SIGLECL1: variants seen among roughly 807,000 people sequenced by gnomAD.
SIGLECL1 encodes SIGLEC family like 1, also known as SIGLEC family-like protein 1.
A neutral mutation model predicts 19.1 loss-of-function variants in SIGLECL1; 16 were observed. The ratio of observed to expected loss-of-function variants is 0.84; its 90% CI spans 0.57 to 1.27. The LOEUF (loss-of-function observed/expected upper bound fraction) is 1.27, where lower values mean the gene tolerates loss of function less well. Ranked by LOEUF, SIGLECL1 falls within the 50% of genes most tolerant of loss-of-function variation. SIGLECL1 has a pLI of 0.00. For missense variants in SIGLECL1, 210 were observed against 239.4 expected (o/e 0.88, Z 0.81); for synonymous variants, 89 against 90.4 (o/e 0.98, Z 0.09).
intron 1 of SIGLECL1, among the ~76,000 whole-genome samples, chr19:51,256,445 C>G (rs2123397290): frequency 6.6e-6 from 1 of 152,308 alleles, no homozygotes; most frequent in African/African-American, 2.4e-5. Context: ...CATGATCTCA[C>G]TTATATGTAG....
upstream of SIGLECL1, among the ~76,000 whole-genome samples, chr19:51,249,521 A>G (rs890208364): frequency 6.6e-6 from 1 of 152,160 alleles, no homozygotes; most frequent in Non-Finnish European, 1.5e-5. Flanking sequence ...AATTATTCCA[A>G]TAAAGGGAGA....
chr19:51,247,148 G>T (rs772192454), upstream of SIGLECL1, among the ~76,000 whole-genome samples: 1 of 152,158 alleles, frequency 6.6e-6, no homozygotes, highest in East Asian at 1.9e-4. Flanking sequence ...TAAGCAGCCT[G>T]ACCCTTGGTT....
At chr19:51,253,378 A>G (rs571286129) in intron 1 of SIGLECL1, among the ~76,000 whole-genome samples, 1 of 137,852 alleles carries the variant, frequency 7.3e-6, no homozygotes, top group African/African-American at 3.3e-5. Context: ...TGAATTTAAA[A>G]TTTAAAAAAA....
Position 51,265,806 on chromosome 19 carries a change from G to C in SIGLECL1, c.334G>C (p.Val112Leu). The change falls in exon 4 of 6, where the codon GTG becomes CTG. Residue 112 changes from valine to leucine, a missense_variant. Physicochemically the swap from Val to Leu is conservative, Grantham distance 32 (BLOSUM62 1). Transcript: ENST00000601727. ...RKSSLAAQAFVKGLIQGAIYA... is the reference protein window; with the variant it reads ...RKSSLAAQAFLKGLIQGAIYA... ...GAGTTCTTTGGCTGCCCAGGCCTTCGTGAAAGGGCTGATCCAGGGTGCTAT... is the reference window on the plus strand; with the variant it reads ...GAGTTCTTTGGCTGCCCAGGCCTTCCTGAAAGGGCTGATCCAGGGTGCTAT... 6.2e-7 allele frequency: 1 copy of C among 1,614,174 alleles called. No individual in the cohort carries two copies. The highest frequency in any genetic ancestry group is 8.5e-7 in the Non-Finnish European group (1 of 1,180,024).
At chr19:51,246,788 T>C (rs145323276), upstream of SIGLECL1, among the ~76,000 whole-genome samples, 5,603 of 152,198 alleles carry the variant, frequency 0.037, 137 homozygotes, top group Non-Finnish European at 0.058. Flanking sequence ...AACAAGTTTA[T>C]TGGGGGTCTG....
In SIGLECL1 at chr19:51,265,660, AG is replaced by A. The variant is rs765488467; in HGVS notation, c.304+16del. 2.5e-6 allele frequency: 4 copies of A among 1,611,778 alleles called. No homozygotes were observed. The South Asian group carries it at 3.3e-5, about 13-fold the overall frequency. On this transcript the variant is annotated intron_variant, in intron 3 of 5. Coordinates refer to ENST00000601727, the MANE Select transcript of SIGLECL1 (RefSeq NM_001385465.1). ...TCCTACTGATGTCAAGTGAGGGTGG[AG>A]GGGGCTCGGTGACTGGGTGAGGACA...
intron 4 of SIGLECL1, among the ~76,000 whole-genome samples, chr19:51,266,574 G>A (rs974171605): frequency 6.6e-6 from 1 of 151,966 alleles, no homozygotes; most frequent in African/African-American, 2.4e-5. Context: ...TTCAGATAAG[G>A]GATATCTAAC....
intron 4 of SIGLECL1, among the ~76,000 whole-genome samples, chr19:51,266,514 T>TAAAAAAA (rs34989367): frequency 7.3e-6 from 1 of 137,238 alleles, no homozygotes; most frequent in Non-Finnish European, 1.6e-5. Flanking sequence ...TTCCAAAATC[T>TAAAAAAA]AAAAAAAAAA....
chr19:51,253,425 G>A (rs1982617495), intron 1 of SIGLECL1, among the ~76,000 whole-genome samples: 2 of 152,166 alleles, frequency 1.3e-5, no homozygotes, highest in Non-Finnish European at 2.9e-5. Flanking sequence ...AATTTTTTGT[G>A]AAGTGCTCTG....
At position 51,263,884 on chromosome 19, in the gene SIGLECL1, T is replaced by TGAAC; in HGVS notation, c.-188_-185dup. 1 of 580,608 alleles carries TGAAC rather than the reference T, an allele frequency of 1.7e-6. No individual in the cohort carries two copies. Among genetic ancestry groups the TGAAC allele is most frequent in the Non-Finnish European group, 3.0e-6 (1 of 337,042 alleles). The allele number at this position is 580,608 out of a possible 1,614,324, so 36.0% of individuals were successfully genotyped here. On this transcript the variant is annotated splice_region_variant and 5_prime_UTR_variant, in exon 2 of 6. Coordinates refer to ENST00000601727, the MANE Select transcript of SIGLECL1 (RefSeq NM_001385465.1). ...CCCATATAATTCCTGCTTCTCCAGG[T>TGAAC]GAACAGGCCTTCACGATGACCAGAG...
At chr19:51,265,908 C>A in intron 4 of SIGLECL1, 26 bp downstream of exon 4, 1 of 1,609,280 alleles carries the variant, frequency 6.2e-7, no homozygotes, top group Non-Finnish European at 8.5e-7. Context: ...AATATTCACC[C>A]GCAAGCCTAC....
At chr19:51,252,305 AAAAAGAAAAG>A (rs1001542339) in intron 1 of SIGLECL1, among the ~76,000 whole-genome samples, 3 of 151,990 alleles carry the variant, frequency 2.0e-5, no homozygotes, top group African/African-American at 7.2e-5. Context: ...TCAAAAAAAA[AAAAAGAAAAG>A]AAAAGAAAAA....
intron 1 of SIGLECL1, among the ~76,000 whole-genome samples, chr19:51,262,243 A>G (rs974618377): frequency 1.3e-5 from 2 of 152,218 alleles, no homozygotes; most frequent in Non-Finnish European, 2.9e-5. Flanking sequence ...CCTATGTTGT[A>G]TTAAAGAATT....
intron 1 of SIGLECL1, among the ~76,000 whole-genome samples, chr19:51,255,071 C>A (rs1982720751): frequency 6.6e-6 from 1 of 151,788 alleles, no homozygotes; most frequent in Non-Finnish European, 1.5e-5. Flanking sequence ...ACCAGTCTGG[C>A]CAACATGGTG....
At chr19:51,262,607 T>C (rs1983314559) in intron 1 of SIGLECL1, among the ~76,000 whole-genome samples, 1 of 152,212 alleles carries the variant, frequency 6.6e-6, no homozygotes, top group Non-Finnish European at 1.5e-5. Flanking sequence ...AGCACTGTTC[T>C]AGAAAAAAAG....
In SIGLECL1 at chr19:51,265,546, C is replaced by G. The variant is rs767523056; in HGVS notation, c.201C>G (p.Asn67Lys). 50 of 1,614,068 alleles carry G rather than the reference C, an allele frequency of 3.1e-5. No homozygotes were observed. The highest frequency in any genetic ancestry group is 4.2e-5 in the Non-Finnish European group (50 of 1,180,040). ...VTSTMLGPWANSTISLTEEPE... is the reference protein window; with the variant it reads ...VTSTMLGPWAKSTISLTEEPE... ...CCACCATGCTTGGCCCCTGGGCTAA[C>G]AGCACCATCAGCCTAACTGAAGAGC... The change falls in exon 3 of 6, where the codon AAC (asparagine) becomes AAG (lysine). Residue 67 changes from asparagine (N) to lysine (K), a missense_variant. Physicochemically the swap from Asn to Lys is moderately conservative, Grantham distance 94 (BLOSUM62 0). Transcript: ENST00000601727.
At chr19:51,249,923 G>T (rs1410486978), upstream of SIGLECL1, among the ~76,000 whole-genome samples, 1 of 152,094 alleles carries the variant, frequency 6.6e-6, no homozygotes, top group Non-Finnish European at 1.5e-5. Flanking sequence ...CTAAAGAAAG[G>T]GTGAATTATT....
intron 2 of SIGLECL1, 130 bp downstream of exon 2, chr19:51,264,224 A>C: frequency 9.8e-7 from 1 of 1,021,154 alleles, no homozygotes; most frequent in Non-Finnish European, 1.4e-6. Context: ...AGTACCAAAT[A>C]ATCAACATGA....
intron 1 of SIGLECL1, among the ~76,000 whole-genome samples, chr19:51,253,407 G>A (rs1982617248): frequency 6.6e-6 from 1 of 152,094 alleles, no homozygotes; most frequent in African/African-American, 2.4e-5. Context: ...AGAGAAGCTG[G>A]TTGTTTGAAT....
Sources: allele counts gnomAD v4.1 joint callset (sites outside exome capture counted in the v4.1 genomes callset), GRCh38; gene constraint gnomAD v4.1.1; transcripts MANE v1.5; gene names NCBI Gene and HGNC (gene_info 2026-07-23, HGNC 2026-07-21).